Variants in FCHSD1 observed in about 807,000 individuals in gnomAD.
FCHSD1 encodes FCH and double SH3 domains 1.
Under a neutral mutation model 101.3 loss-of-function variants are expected in FCHSD1, and 109 were observed. The ratio of observed to expected loss-of-function variants is 1.08; its 90% CI spans 0.92 to 1.26. The LOEUF (loss-of-function observed/expected upper bound fraction) is 1.26. Among genes scored for constraint, FCHSD1 ranks in the 50% most tolerant of loss-of-function variants. The probability of loss-of-function intolerance (pLI) is 0.00; values close to 1 mark genes in which losing one functional copy is unlikely to be tolerated. For synonymous variants in FCHSD1, 291 were observed against 356.8 expected, an observed-to-expected ratio of 0.82 and a Z score of 2.08; for missense variants, 820 against 895.8, an observed-to-expected ratio of 0.92 and a Z score of 1.08.
chr5:141,646,310 G>A (rs1214913478), intron 11 of FCHSD1, 119 bp from the exon 12 acceptor site: 2 of 1,065,494 alleles, frequency 1.9e-6, no homozygotes, highest in Non-Finnish European at 2.8e-6. Flanking sequence ...TCCCTATGAG[G>A]TGGGTGCTAT....
intron 19 of FCHSD1, 47 bp downstream of exon 19, chr5:141,641,655 G>A: frequency 3.1e-6 from 5 of 1,612,792 alleles, no homozygotes; most frequent in Non-Finnish European, 4.2e-6. Flanking sequence ...AGGACTGGTT[G>A]GAATAACCCC....
chr5:141,646,431 G>A lies in FCHSD1; in HGVS notation c.1044+172C>T, dbSNP rs141454875. Reference sequence around the variant, plus strand: ...ACAGAAGAGAATTTGAACCTATGTCGGTCTAGCTCCAAAAACTGTGCTCTT... The same window carrying A: ...ACAGAAGAGAATTTGAACCTATGTCAGTCTAGCTCCAAAAACTGTGCTCTT... On this transcript the variant is annotated intron_variant, in intron 11 of 19. Transcript: ENST00000435817. 1.1e-4 allele frequency: 122 copies of A among 1,113,638 alleles called. No individual in the cohort carries two copies. The African/African-American group carries it at 1.7e-3, about 15-fold the overall frequency. 69.0% of individuals were successfully genotyped at this position (1,113,638 alleles called of 1,614,324 possible).
In FCHSD1 at chr5:141,646,110, G is replaced by C; in HGVS notation, c.1126C>G (p.Arg376Gly). Residue 376 changes from arginine to glycine, a missense_variant, in exon 12 of 20, where the codon CGA becomes GGA. By Grantham distance (125) the Arg-to-Gly change is moderately radical. Coordinates refer to ENST00000435817, the MANE Select transcript of FCHSD1 (RefSeq NM_033449.3). ...PSIEQRLQEV[R>G]ESIRRAQVSQ... is the part of the protein sequence containing the mutation. ...ACCTGTGCCCGGCGGATGCTCTCTCGCACTTCCTGTAACCTCTGTTCTATG... is the reference window on the plus strand; with the variant it reads ...ACCTGTGCCCGGCGGATGCTCTCTCCCACTTCCTGTAACCTCTGTTCTATG... 3 of 1,611,744 alleles carry C rather than the reference G, an allele frequency of 1.9e-6. No homozygotes were observed. Among genetic ancestry groups the C allele is most frequent in the East Asian group, 2.2e-5 (1 of 44,800 alleles).
chr5:141,640,558 G>C lies in FCHSD1; in HGVS notation c.*940C>G. 6.4e-7 allele frequency: 1 copy of C among 1,572,656 alleles called. No homozygotes were observed. On this transcript the variant is annotated 3_prime_UTR_variant, in exon 20 of 20. Coordinates refer to ENST00000435817, the MANE Select transcript of FCHSD1 (RefSeq NM_033449.3). ...CGAGTAAACTGCAGGCTTAGCCTTTGCTATAAATCCCTTGGTTTGGTGGTG... is the reference window on the plus strand; with the variant it reads ...CGAGTAAACTGCAGGCTTAGCCTTTCCTATAAATCCCTTGGTTTGGTGGTG...
chr5:141,649,232 T>A lies in FCHSD1; in HGVS notation c.452A>T (p.Tyr151Phe). ...GGCCCACACACGTTCCCGCTGCCCATACAGCTTCCGACTTCGGCTCAGCTC... is the reference window on the plus strand; with the variant it reads ...GGCCCACACACGTTCCCGCTGCCCAAACAGCTTCCGACTTCGGCTCAGCTC... ...VRELSRSRKL[Y>F]GQRERVWALA... The change falls in exon 6 of 20, where the codon TAT becomes TTT. Residue 151 changes from tyrosine (Y) to phenylalanine (F), a missense_variant. Physicochemically the swap from Tyr to Phe is conservative, Grantham distance 22. Coordinates refer to ENST00000435817, the MANE Select transcript of FCHSD1 (RefSeq NM_033449.3). This position sits in a 1 kb window ranked among gnomAD's most constrained non-coding sequence, Gnocchi z 4.1. The A allele has an allele frequency of 6.2e-7, 1 of 1,614,010 alleles. No individual in the cohort carries two copies. The highest frequency in any genetic ancestry group is 8.5e-7 in the Non-Finnish European group (1 of 1,179,886).
At position 141,647,201 on chromosome 5, in the gene FCHSD1, A is replaced by T; in HGVS notation, c.858T>A (p.Phe286Leu). 5.6e-6 allele frequency: 9 copies of T among 1,608,956 alleles called. No individual in the cohort carries two copies. Among genetic ancestry groups the T allele is most frequent in the African/African-American group, 1.3e-5 (1 of 74,982 alleles). Residue 286 changes from phenylalanine to leucine, a missense_variant, in exon 10 of 20, where the codon TTT becomes TTA. Transcript: ENST00000435817. ...QVSWEQDLKLFLQEPGVFSPT... is the reference protein window; with the variant it reads ...QVSWEQDLKLLLQEPGVFSPT... ...GGGAAAATACACCAGGCTCCTGAAG[A>T]AACAGCTTCAGGTCTTGCTCCCAGC...
At chr5:141,647,052 A>T (rs555605182) in intron 10 of FCHSD1, 83 bp downstream of exon 10, 17 of 1,325,466 alleles carry the variant, frequency 1.3e-5, no homozygotes, top group Non-Finnish European at 1.8e-5. Context: ...CACTAAGTTA[A>T]CACAAAACAA....
Position 141,649,753 on chromosome 5 carries a change from G to A in FCHSD1, c.233+134C>T. The A allele has an allele frequency of 8.3e-7, 1 of 1,210,522 alleles. No homozygotes were observed. 75.0% of individuals were successfully genotyped at this position (1,210,522 alleles called of 1,614,324 possible). A position where few individuals can be genotyped will look rare whatever the true frequency, so the allele number is the denominator to read the frequency against. ...GTGTCCTTGCTGGGTCAGCTCCTCT[G>A]CTGCTGCTGTGTCAGCTCTACCTAC... On this transcript the variant is annotated intron_variant, in intron 4 of 19. Coordinates refer to ENST00000435817, the MANE Select transcript of FCHSD1 (RefSeq NM_033449.3). This position sits in a 1 kb window ranked among gnomAD's most constrained non-coding sequence, Gnocchi z 4.1.
rs926538808 is a variant in FCHSD1, at chr5:141,647,024, C to G, written c.924+111G>C. 15 of 1,096,560 alleles carry G rather than the reference C, an allele frequency of 1.4e-5. No individual in the cohort carries two copies. The African/African-American group carries it at 2.1e-4, about 15-fold the overall frequency. 67.9% of individuals were successfully genotyped at this position (1,096,560 alleles called of 1,614,324 possible). A position where few individuals can be genotyped will look rare whatever the true frequency, so the allele number is the denominator to read the frequency against. ...AGGTGAGCTGGAGTTCTGAAACCCCCTCTCCACGGTGTACACTCACTAAGT... is the reference window on the plus strand; with the variant it reads ...AGGTGAGCTGGAGTTCTGAAACCCCGTCTCCACGGTGTACACTCACTAAGT... On this transcript the variant is annotated intron_variant, in intron 10 of 19. Transcript: ENST00000435817.
chr5:141,642,120 C>A, intron 18 of FCHSD1: 4 of 502,120 alleles, frequency 8.0e-6, no homozygotes, highest in Non-Finnish European at 1.4e-5. Flanking sequence ...TCCTTGTGGA[C>A]AAGGTGGAAG....
rs201659999 is a variant in FCHSD1, at chr5:141,649,418, C to T, written c.352G>A (p.Ala118Thr). 6.5e-4 allele frequency: 1,041 copies of T among 1,613,874 alleles called. 3 individuals are homozygous for T. Among genetic ancestry groups the T allele is most frequent in the Non-Finnish European group, 8.0e-4 (941 of 1,179,882 alleles). ...ACCTTCCTAAGCACCTGCTCCTTGGCGCTCCGCCCTGTACCCCCTGCTAGG... is the reference window on the plus strand; with the variant it reads ...ACCTTCCTAAGCACCTGCTCCTTGGTGCTCCGCCCTGTACCCCCTGCTAGG... ...RDLAGGTGRS[A>T]KEQVLRKGTE... is the part of the protein sequence containing the mutation. Residue 118 changes from alanine to threonine, a missense_variant, in exon 5 of 20, where the codon GCC (alanine) becomes ACC (threonine). Transcript: ENST00000435817. This position sits in a 1 kb window ranked among gnomAD's most constrained non-coding sequence, Gnocchi z 4.1.
intron 18 of FCHSD1, chr5:141,641,991 C>G: frequency 3.4e-6 from 2 of 586,534 alleles, no homozygotes. Context: ...GCTCCCACCC[C>G]CAATGGCTGT....
chr5:141,640,094 G>A lies in FCHSD1; in HGVS notation c.*1404C>T. On this transcript the variant is annotated 3_prime_UTR_variant, in exon 20 of 20. Transcript: ENST00000435817. Reference sequence around the variant, plus strand: ...CCATGGAGAGGCTGCCCCCTGAGAGGCCACAGCCCCAGGTCCTAGCCAGCC... The same window carrying A: ...CCATGGAGAGGCTGCCCCCTGAGAGACCACAGCCCCAGGTCCTAGCCAGCC... 1 of 1,613,670 alleles carries A rather than the reference G, an allele frequency of 6.2e-7. No homozygotes were observed. The highest frequency in any genetic ancestry group is 1.1e-5 in the South Asian group (1 of 91,088).
Position 141,648,940 on chromosome 5 carries a change from G to A in FCHSD1, c.576+17C>T, listed in dbSNP as rs1270253313. On this transcript the variant is annotated intron_variant, in intron 7 of 19. Transcript: ENST00000435817. ...CTCCCTCTTCCCTGCCCCCACTCAT[G>A]CCCTCATCCCTCGAACCTTGGTGCT... 1 of 1,613,594 alleles carries A rather than the reference G, an allele frequency of 6.2e-7. No individual in the cohort carries two copies. The highest frequency in any genetic ancestry group is 1.3e-5 in the African/African-American group (1 of 74,864).
At chr5:141,644,009 C>T (rs1007157738) in intron 17 of FCHSD1, among the ~76,000 whole-genome samples, 7 of 152,174 alleles carry the variant, frequency 4.6e-5, no homozygotes, top group African/African-American at 1.7e-4. Context: ...TCAGATCTAT[C>T]CAGCACTAAA....
Position 141,648,907 on chromosome 5 carries a change from T to C in FCHSD1, c.576+50A>G. On this transcript the variant is annotated intron_variant, in intron 7 of 19. Transcript: ENST00000435817. ...GCACCTATGTTCCAAACCACTAGAC[T>C]ACTCTGCCTCCCTCTTCCCTGCCCC... The C allele has an allele frequency of 3.1e-6, 5 of 1,603,026 alleles. 1 individual carries two copies. The highest frequency in any genetic ancestry group is 4.3e-6 in the Non-Finnish European group (5 of 1,170,072).
chr5:141,642,439 G>A, intron 18 of FCHSD1: 1 of 689,602 alleles, frequency 1.5e-6, no homozygotes, highest in Non-Finnish European at 2.6e-6. Flanking sequence ...AGGTACACTA[G>A]AAGCCCAATC....
chr5:141,645,991 C>A, intron 12 of FCHSD1, 59 bp from the exon 13 acceptor site: 1 of 1,538,688 alleles, frequency 6.5e-7, no homozygotes, highest in African/African-American at 1.4e-5. Flanking sequence ...TTACTCTCTG[C>A]TTCTCCCTTC....
Position 141,644,555 on chromosome 5 carries a change from A to C in FCHSD1, c.1642+18T>G, listed in dbSNP as rs2099907414. 6.2e-7 allele frequency: 1 copy of C among 1,612,832 alleles called. No homozygotes were observed. Among genetic ancestry groups the C allele is most frequent in the African/African-American group, 1.3e-5 (1 of 74,884 alleles). ...CTCCATACCCAGGGTCCTCTAACCC[A>C]AAATTTCCCTTTCTTACCTGTGGGC... On this transcript the variant is annotated intron_variant, in intron 16 of 19. Coordinates refer to ENST00000435817, the MANE Select transcript of FCHSD1 (RefSeq NM_033449.3).
Sources: allele counts gnomAD v4.1 joint callset (sites outside exome capture counted in the v4.1 genomes callset), GRCh38; gene constraint gnomAD v4.1.1; non-coding constraint Gnocchi (gnomAD v3.1); transcripts MANE v1.5; gene names NCBI Gene and HGNC (gene_info 2026-07-23, HGNC 2026-07-21).